Variants in CCDC80 observed in about 807,000 individuals in gnomAD.
CCDC80 encodes the protein coiled-coil domain containing 80, also known as coiled-coil domain-containing protein 80.
CCDC80 carries 49 observed loss-of-function variants against 78.7 expected under a neutral mutation model. The ratio of observed to expected loss-of-function variants is 0.62; its 90% CI spans 0.50 to 0.79. The LOEUF (loss-of-function observed/expected upper bound fraction) is 0.79, where lower values mean the gene tolerates loss of function less well. Among genes scored for constraint, CCDC80 ranks in the 30% least tolerant of loss-of-function variants. CCDC80 has a pLI of 0.00. For missense variants in CCDC80, 1,205 were observed against 1,198.6 expected, an observed-to-expected ratio of 1.01 and a Z score of -0.08; for synonymous variants, 488 against 447.0, an observed-to-expected ratio of 1.09 and a Z score of -1.16.
At chr3:112,616,526 C>G (rs1935752658) in intron 5 of CCDC80, among the ~76,000 whole-genome samples, 184 bp downstream of exon 5, 1 of 151,794 alleles carries the variant, frequency 6.6e-6, no homozygotes, top group South Asian at 2.1e-4. Context: ...AGCCAGCCAG[C>G]CCTGTAGCCA....
intron 5 of CCDC80, among the ~76,000 whole-genome samples, chr3:112,616,229 T>G (rs1935737626): frequency 6.6e-6 from 1 of 152,070 alleles, no homozygotes; most frequent in African/African-American, 2.4e-5. Flanking sequence ...TTTTGAGGTC[T>G]TAGTGGGGCT....
At chr3:112,636,201 A>G (rs1290533715) in intron 2 of CCDC80, among the ~76,000 whole-genome samples, 2 of 152,198 alleles carry the variant, frequency 1.3e-5, no homozygotes, top group African/African-American at 4.8e-5. Context: ...CCCATGCCCC[A>G]GAGAGAGCAG....
At chr3:112,624,098 G>A (rs767749968) in intron 3 of CCDC80, among the ~76,000 whole-genome samples, 1 of 152,146 alleles carries the variant, frequency 6.6e-6, no homozygotes, top group Non-Finnish European at 1.5e-5. Context: ...GAAAAAGACA[G>A]TAATAAGGTA....
chr3:112,633,486 C>T (rs1267819073), intron 2 of CCDC80, among the ~76,000 whole-genome samples: 66 of 152,178 alleles, frequency 4.3e-4, no homozygotes, highest in South Asian at 2.1e-4. Flanking sequence ...TCTCCCCAGG[C>T]AGAATGTAAG....
rs66791711 is a variant in CCDC80 at position 112,600,605 on chromosome 3, G to A, written c.*4812C>T. 0.042 allele frequency: 6,353 copies of A among 152,164 alleles called. 245 individuals carry two copies. The highest frequency in any genetic ancestry group is 0.11 in the Admixed American group (1,643 of 15,264). 9.4% of individuals were successfully genotyped at this position (152,164 alleles called of 1,614,324 possible). On this transcript the variant is annotated 3_prime_UTR_variant, in exon 8 of 8. Coordinates refer to ENST00000206423, the MANE Select transcript of CCDC80 (RefSeq NM_199511.3). ...AAGCCTCGACCTCCTAGGCTCAAGC[G>A]ATTCTCTCACTTCAGCCTCCTGAAT...
In CCDC80 at chr3:112,616,823, C is replaced by T; in HGVS notation, c.2208G>A (p.Val736=). ...YYEVPITMKS[V]FDLIDTFQSR... ...ACTGGAAAGTATCGATCAGATCAAACACAGACTTCATTGTTATTGGTACCT... is the reference window on the plus strand; with the variant it reads ...ACTGGAAAGTATCGATCAGATCAAATACAGACTTCATTGTTATTGGTACCT... The change falls in exon 5 of 8, where the codon GTG becomes GTA. Residue 736 remains valine (V), a synonymous_variant. Transcript: ENST00000206423. The T allele has an allele frequency of 6.2e-7, 1 of 1,614,112 alleles. No individual in the cohort carries two copies. The highest frequency in any genetic ancestry group is 1.1e-5 in the South Asian group (1 of 91,088).
intron 5 of CCDC80, among the ~76,000 whole-genome samples, chr3:112,614,650 T>C (rs1935696112): frequency 6.6e-6 from 1 of 152,214 alleles, no homozygotes; most frequent in Admixed American, 6.5e-5. Flanking sequence ...TGTACTGCAT[T>C]GAGAATTTGG....
Position 112,600,396 on chromosome 3 carries a change from ACTAT to A in CCDC80, c.*5017_*5020del, listed in dbSNP as rs1459524594. 1.3e-5 allele frequency: 2 copies of A among 152,208 alleles called. No homozygotes were observed. The highest frequency in any genetic ancestry group is 4.8e-5 in the African/African-American group (2 of 41,446). The allele number at this position is 152,208 out of a possible 1,614,324, so 9.4% of individuals were successfully genotyped here. ...AAGTAATCTCAGGTTGTAAAAAAGA[ACTAT>A]CTTTTTTTGGTTGCAGGAGCTAGAA... is the stretch of plus-strand genomic sequence containing the variant. On this transcript the variant is annotated 3_prime_UTR_variant, in exon 8 of 8. Transcript: ENST00000206423.
chr3:112,626,426 G>C (rs989629053), intron 3 of CCDC80, among the ~76,000 whole-genome samples: 1 of 147,816 alleles, frequency 6.8e-6, no homozygotes, highest in Non-Finnish European at 1.5e-5. Context: ...TTTTTGAATT[G>C]TTGTGGATCC....
At chr3:112,615,321 T>C (rs1935711764) in intron 5 of CCDC80, among the ~76,000 whole-genome samples, 2 of 152,180 alleles carry the variant, frequency 1.3e-5, no homozygotes, top group African/African-American at 2.4e-5. Context: ...GTAAAGATTC[T>C]GCTTGGAGGC....
chr3:112,636,004 T>G (rs1159883359), intron 2 of CCDC80, among the ~76,000 whole-genome samples: 2 of 152,224 alleles, frequency 1.3e-5, no homozygotes, highest in Non-Finnish European at 2.9e-5. Flanking sequence ...TGGGAAATAT[T>G]TGCCAGAAGG....
chr3:112,612,061 T>TAA lies in CCDC80; in HGVS notation c.2322-1982_2322-1981dup, dbSNP rs374036624. ...TCTGCTTTTTTTTTTTTTTTTTTTTTAAAAAGGGAAAGAAAAACTAAAATC... is the reference window on the plus strand; with the variant it reads ...TCTGCTTTTTTTTTTTTTTTTTTTTTAAAAAAAGGGAAAGAAAAACTAAAATC... On this transcript the variant is annotated intron_variant, in intron 5 of 7. Coordinates refer to ENST00000206423, the MANE Select transcript of CCDC80 (RefSeq NM_199511.3). 6.5e-3 allele frequency among the ~76,000 whole-genome samples: 887 copies of TAA among 137,396 alleles called. 9 individuals are homozygous for TAA. Among genetic ancestry groups the TAA allele is most frequent in the Middle Eastern group, 0.015 (4 of 268 alleles). The allele number at this position is 137,396 out of a possible 152,430, so 90.1% of individuals were successfully genotyped here.
At chr3:112,628,342 G>T (rs535222700) in intron 3 of CCDC80, among the ~76,000 whole-genome samples, 7 of 152,276 alleles carry the variant, frequency 4.6e-5, no homozygotes, top group Admixed American at 3.3e-4. Context: ...ATGAGCTGTT[G>T]TGAGGGTTCT....
rs1935329847 is a variant in CCDC80 at position 112,598,937 on chromosome 3, C to G, written c.*6480G>C. ...CAATGGAGTTATTTAATACCTTTCC[C>G]TATTCCCACAAAAATCTGGAACTGG... is the stretch of plus-strand genomic sequence containing the variant. On this transcript the variant is annotated 3_prime_UTR_variant, in exon 8 of 8. Coordinates refer to ENST00000206423, the MANE Select transcript of CCDC80 (RefSeq NM_199511.3). 1 of 152,150 alleles carries G rather than the reference C, an allele frequency of 6.6e-6. No homozygotes were observed. The highest frequency in any genetic ancestry group is 2.4e-5 in the African/African-American group (1 of 41,422). The allele number at this position is 152,150 out of a possible 1,614,324, so 9.4% of individuals were successfully genotyped here.
At chr3:112,605,852 T>C (rs1313056317) in intron 7 of CCDC80, 89 bp from the exon 8 acceptor site, 5 of 1,079,032 alleles carry the variant, frequency 4.6e-6, no homozygotes, top group Admixed American at 2.5e-5. Flanking sequence ...ACTGTGAGAA[T>C]AGGGAGGACC....
intron 3 of CCDC80, among the ~76,000 whole-genome samples, chr3:112,626,847 G>A (rs981978282): frequency 6.6e-6 from 1 of 152,060 alleles, no homozygotes; most frequent in Non-Finnish European, 1.5e-5. Context: ...TGCACCTGGC[G>A]TACCATTCTC....
In CCDC80 at chr3:112,639,140, C is replaced by T. The variant is rs1444577950; in HGVS notation, c.766G>A (p.Ala256Thr). The change falls in exon 2 of 8, where the codon GCC (alanine) becomes ACC (threonine). Residue 256 changes from alanine to threonine, a missense_variant. Physicochemically the swap from Ala to Thr is moderately conservative, Grantham distance 58. Coordinates refer to ENST00000206423, the MANE Select transcript of CCDC80 (RefSeq NM_199511.3). The part of the protein sequence containing the change: ...ERYPYPVRLE[A>T]MYEVIDQGPI... ...CCTTGGTCGATGACCTCGTACATGG[C>T]TTCCAGCCTAACGGGATATGGATAG... The T allele has an allele frequency of 1.9e-6, 3 of 1,614,084 alleles. No homozygotes were observed. The highest frequency in any genetic ancestry group is 1.3e-5 in the African/African-American group (1 of 74,920).
At chr3:112,621,217 T>C (rs528693204) in intron 3 of CCDC80, among the ~76,000 whole-genome samples, 1 of 152,312 alleles carries the variant, frequency 6.6e-6, no homozygotes, top group African/African-American at 2.4e-5. Flanking sequence ...AATGGGATAT[T>C]AGCACAATGA....
At chr3:112,623,415 C>T (rs1380423253) in intron 3 of CCDC80, among the ~76,000 whole-genome samples, 1 of 152,216 alleles carries the variant, frequency 6.6e-6, no homozygotes, top group African/African-American at 2.4e-5. Flanking sequence ...TGCCTAAGTT[C>T]AGGCAATTCC....
Sources: gnomAD v4.1 joint callset for allele counts (sites outside exome capture counted in the v4.1 genomes callset) on GRCh38, gnomAD v4.1.1 for gene constraint, MANE v1.5 for transcripts, NCBI Gene and HGNC (gene_info 2026-07-23, HGNC 2026-07-21) for gene names.